Variants in GINS3 observed in about 807,000 individuals in gnomAD.
GINS3 encodes the protein GINS complex subunit 3, also known as DNA replication complex GINS protein PSF3.
GINS3 carries 18 observed loss-of-function variants against 20.0 expected under a neutral mutation model. That is an observed-to-expected ratio of 0.90 (90% confidence interval 0.62 to 1.33). The LOEUF is 1.33. Ranked by LOEUF, GINS3 falls within the 40% of genes most tolerant of loss-of-function variation. The pLI is 0.00. For synonymous variants in GINS3, 109 were observed against 107.0 expected, an observed-to-expected ratio of 1.02 and a Z score of -0.12; for missense variants, 254 against 273.6, an observed-to-expected ratio of 0.93 and a Z score of 0.51.
intron 1 of GINS3, among the ~76,000 whole-genome samples, chr16:58,401,989 A>G (rs904996600): frequency 2.0e-5 from 3 of 152,226 alleles, no homozygotes; most frequent in South Asian, 2.1e-4. Context: ...TTTTGCCTCA[A>G]TCTATCGCTC....
chr16:58,404,813 C>G lies in GINS3; in HGVS notation c.*84C>G, dbSNP rs1966007860. On this transcript the variant is annotated 3_prime_UTR_variant, in exon 3 of 3. Coordinates refer to ENST00000318129, the MANE Select transcript of GINS3 (RefSeq NM_022770.4). The stretch of plus-strand genomic sequence containing the variant: ...GGAGCTGGTTGACCTTGTACAGAAC[C>G]AGAATCCTGTCCCATTTCATGGCTT... The G allele has an allele frequency of 1.1e-6, 1 of 926,124 alleles. No individual in the cohort carries two copies. 57.4% of individuals were successfully genotyped at this position (926,124 alleles called of 1,614,324 possible). A position where few individuals can be genotyped will look rare whatever the true frequency, so the allele number is the denominator to read the frequency against.
At chr16:58,396,070 G>A (rs1206464777) in intron 1 of GINS3, among the ~76,000 whole-genome samples, 4 of 143,968 alleles carry the variant, frequency 2.8e-5, no homozygotes, top group Admixed American at 6.8e-5. Flanking sequence ...CGGACGGGGC[G>A]GCTGGCCGGG....
At chr16:58,396,769 C>A (rs1350270792) in intron 1 of GINS3, among the ~76,000 whole-genome samples, 1 of 124,982 alleles carries the variant, frequency 8.0e-6, no homozygotes, top group African/African-American at 3.1e-5. Flanking sequence ...GGGGCTGACC[C>A]CCCCACCTCC....
chr16:58,396,462 C>A (rs1256694735), intron 1 of GINS3, among the ~76,000 whole-genome samples: 1 of 85,222 alleles, frequency 1.2e-5, no homozygotes. Flanking sequence ...CCAGTAGGGG[C>A]GGCCGGGCAG....
At chr16:58,398,399 G>A (rs1965912657) in intron 1 of GINS3, among the ~76,000 whole-genome samples, 1 of 152,114 alleles carries the variant, frequency 6.6e-6, no homozygotes, top group Non-Finnish European at 1.5e-5. Context: ...CTTGAGCCCA[G>A]GAGTTCGAGA....
intron 1 of GINS3, among the ~76,000 whole-genome samples, chr16:58,396,130 T>C (rs1287505225): frequency 2.0e-4 from 17 of 85,042 alleles, no homozygotes; most frequent in East Asian, 4.1e-4. Context: ...GCTGGCTGGG[T>C]GGGGGGCTGA....
At chr16:58,395,945 C>A (rs1965849108) in intron 1 of GINS3, among the ~76,000 whole-genome samples, 2 of 150,400 alleles carry the variant, frequency 1.3e-5, no homozygotes, top group African/African-American at 2.5e-5. Flanking sequence ...GACGGGGCGG[C>A]TGGCTGGGCG....
intron 1 of GINS3, among the ~76,000 whole-genome samples, chr16:58,398,725 T>C (rs1455924059): frequency 1.3e-5 from 2 of 152,140 alleles, no homozygotes; most frequent in African/African-American, 4.8e-5. Flanking sequence ...AGAAGACTAG[T>C]GCTTAATTTC....
In GINS3 at chr16:58,392,652, G is replaced by A. The variant is rs755598024; in HGVS notation, c.51G>A (p.Glu17=). Residue 17 remains glutamate, a synonymous_variant, in exon 1 of 3, where the codon GAG becomes GAA. Coordinates refer to ENST00000318129, the MANE Select transcript of GINS3 (RefSeq NM_022770.4). ...AGTCGGGTGCGCTGGGGCCTGAGGAGAACTTTCTTTCTTTGGACGACATCC... is the reference window on the plus strand; with the variant it reads ...AGTCGGGTGCGCTGGGGCCTGAGGAAAACTTTCTTTCTTTGGACGACATCC... ...RVESGALGPE[E]NFLSLDDILM... 30 of 1,614,250 alleles carry A rather than the reference G, an allele frequency of 1.9e-5. No homozygotes were observed. Among genetic ancestry groups the A allele is most frequent in the African/African-American group, 6.7e-5 (5 of 75,068 alleles).
intron 2 of GINS3, 183 bp from the exon 3 acceptor site, chr16:58,404,316 A>G: frequency 1.7e-6 from 1 of 601,086 alleles, no homozygotes; most frequent in Non-Finnish European, 3.0e-6. Context: ...TTCACAGATG[A>G]GGAAATTGAG....
intron 1 of GINS3, 92 bp downstream of exon 1, chr16:58,392,879 T>C (rs1965802979): frequency 3.0e-6 from 4 of 1,320,534 alleles, no homozygotes; most frequent in Non-Finnish European, 4.0e-6. Context: ...CGCGCTGCCC[T>C]TTGGGATTTG....
intron 1 of GINS3, among the ~76,000 whole-genome samples, chr16:58,394,435 C>G (rs563108218): frequency 3.9e-5 from 6 of 152,150 alleles, no homozygotes; most frequent in African/African-American, 1.4e-4. Context: ...CAGCCTCCTC[C>G]ACCTCCTGGG....
rs1165460620 is a variant in GINS3 at position 58,403,337 on chromosome 16, T to TA, written c.420+8dup. 5.0e-6 allele frequency: 8 copies of TA among 1,609,612 alleles called. No homozygotes were observed. Among genetic ancestry groups the TA allele is most frequent in the Non-Finnish European group, 6.8e-6 (8 of 1,176,628 alleles). On this transcript the variant is annotated splice_region_variant and intron_variant, in intron 2 of 2. Coordinates refer to ENST00000318129, the MANE Select transcript of GINS3 (RefSeq NM_022770.4). ...TTTCCCAGTCTCTGCTGCAGGCAAG[T>TA]AATGGGTGTGAAAACCTGTGGTGCT...
intron 1 of GINS3, among the ~76,000 whole-genome samples, chr16:58,398,915 G>A (rs1965917312): frequency 6.6e-6 from 1 of 152,172 alleles, no homozygotes; most frequent in Non-Finnish European, 1.5e-5. Flanking sequence ...GGAAGTCATA[G>A]TGTGCAATAA....
At chr16:58,399,842 G>C (rs2151493991) in intron 1 of GINS3, among the ~76,000 whole-genome samples, 1 of 152,188 alleles carries the variant, frequency 6.6e-6, no homozygotes, top group South Asian at 2.1e-4. Context: ...TGTTATATAA[G>C]TTACTACTTT....
At chr16:58,394,026 T>C (rs1965818197) in intron 1 of GINS3, among the ~76,000 whole-genome samples, 1 of 152,188 alleles carries the variant, frequency 6.6e-6, no homozygotes, top group Non-Finnish European at 1.5e-5. Flanking sequence ...TTTTTTAATG[T>C]AGACATTATC....
chr16:58,395,321 GTATA>G (rs1340654029), intron 1 of GINS3: 28 of 147,522 alleles, frequency 1.9e-4, no homozygotes, highest in Non-Finnish European at 2.4e-4. Flanking sequence ...TGTAATATTT[GTATA>G]TATATATATA....
In GINS3 at chr16:58,405,286, G is replaced by A. The variant is rs13333770; in HGVS notation, c.*557G>A. The A allele has an allele frequency of 0.041, 6,295 of 153,570 alleles. 135 individuals are homozygous for A. The highest frequency in any genetic ancestry group is 0.095 in the Middle Eastern group (28 of 294). 9.5% of individuals were successfully genotyped at this position (153,570 alleles called of 1,614,324 possible). A position where few individuals can be genotyped will look rare whatever the true frequency, so the allele number is the denominator to read the frequency against. On this transcript the variant is annotated 3_prime_UTR_variant, in exon 3 of 3. Transcript: ENST00000318129. The stretch of plus-strand genomic sequence containing the variant: ...TCCAAAAACAGTCGCCCAGATAAAG[G>A]AGGAAAAGGGAAAGGCAGACGAATG...
intron 1 of GINS3, chr16:58,395,161 G>T: frequency 2.3e-6 from 1 of 434,028 alleles, no homozygotes; most frequent in South Asian, 5.8e-5. Flanking sequence ...CTGCAGCCTT[G>T]ACCTCCCAGG....
Sources: gnomAD v4.1 joint callset for allele counts (sites outside exome capture counted in the v4.1 genomes callset) on GRCh38, gnomAD v4.1.1 for gene constraint, MANE v1.5 for transcripts, NCBI Gene and HGNC (gene_info 2026-07-23, HGNC 2026-07-21) for gene names.